Variants in ADAMTSL1 observed in about 807,000 individuals in gnomAD.
ADAMTSL1 encodes ADAMTS like 1, also known as ADAMTS-like protein 1.
ADAMTSL1 carries 126 observed loss-of-function variants against 201.8 expected under a neutral mutation model. The observed-to-expected ratio is 0.62, with a 90% CI of 0.54 to 0.72. The LOEUF (loss-of-function observed/expected upper bound fraction) is 0.72. ADAMTSL1 is among the 30% of genes least tolerant of loss of function. ADAMTSL1 has a pLI of 0.00. For synonymous variants in ADAMTSL1, 1,121 were observed against 903.4 expected (o/e 1.24, Z -4.32); for missense variants, 2,679 against 2,277.8 (o/e 1.18, Z -3.59).
At chr9:18,876,902 T>A (rs1828197012) in intron 23 of ADAMTSL1, among the ~76,000 whole-genome samples, 1 of 152,244 alleles carries the variant, frequency 6.6e-6, no homozygotes, top group Non-Finnish European at 1.5e-5. Context: ...TTAGGTTTGA[T>A]CTTTTAACAT....
At chr9:18,651,828 T>C (rs1828282865) in intron 7 of ADAMTSL1, among the ~76,000 whole-genome samples, 1 of 152,094 alleles carries the variant, frequency 6.6e-6, no homozygotes, top group Non-Finnish European at 1.5e-5. Flanking sequence ...AAAACTTGCT[T>C]TTATTATAAG....
At chr9:18,764,775 C>A (rs1820266977) in intron 16 of ADAMTSL1, among the ~76,000 whole-genome samples, 1 of 152,180 alleles carries the variant, frequency 6.6e-6, no homozygotes, top group Non-Finnish European at 1.5e-5. Context: ...TATCTTCTTA[C>A]CATTGATAAT....
intron 2 of ADAMTSL1, among the ~76,000 whole-genome samples, chr9:18,301,038 C>G (rs900924042): frequency 6.6e-6 from 1 of 152,124 alleles, no homozygotes; most frequent in African/African-American, 2.4e-5. Context: ...TGAGTCACTA[C>G]TTAACTCCAC....
chr9:17,955,556 A>G (rs1290726896), intron 1 of ADAMTSL1, among the ~76,000 whole-genome samples: 2 of 152,256 alleles, frequency 1.3e-5, no homozygotes, highest in Non-Finnish European at 1.5e-5. Context: ...TAAACAATTC[A>G]TATGTTTTAA....
intron 2 of ADAMTSL1, among the ~76,000 whole-genome samples, chr9:18,453,098 G>C (rs1032453975): frequency 1.3e-5 from 2 of 152,186 alleles, no homozygotes; most frequent in African/African-American, 4.8e-5. Flanking sequence ...CACAGCTCTT[G>C]CTCTCTGTGC....
At chr9:18,827,615 G>C (rs1271308613) in intron 22 of ADAMTSL1, among the ~76,000 whole-genome samples, 1 of 152,192 alleles carries the variant, frequency 6.6e-6, no homozygotes, top group African/African-American at 2.4e-5. Flanking sequence ...CCCACACTGA[G>C]TTACGGTGCT....
At chr9:18,866,748 G>A (rs1400165416) in intron 23 of ADAMTSL1, among the ~76,000 whole-genome samples, 1 of 152,174 alleles carries the variant, frequency 6.6e-6, no homozygotes, top group African/African-American at 2.4e-5. Flanking sequence ...CCCAGCAACA[G>A]TAGCTTAAAG....
chr9:18,317,663 C>A (rs1834458283), intron 2 of ADAMTSL1, among the ~76,000 whole-genome samples: 1 of 152,218 alleles, frequency 6.6e-6, no homozygotes, highest in Admixed American at 6.5e-5. Context: ...CCCATCTTCA[C>A]CAGACTATTT....
At chr9:18,016,457 T>C (rs898940718) in intron 1 of ADAMTSL1, among the ~76,000 whole-genome samples, 10 of 152,090 alleles carry the variant, frequency 6.6e-5, no homozygotes, top group Non-Finnish European at 1.3e-4. Flanking sequence ...TACTTGAAAC[T>C]CACAGAAGCA....
chr9:17,911,418 G>T lies in ADAMTSL1; in HGVS notation c.87+4496G>T, dbSNP rs918990353. Among the ~76,000 whole-genome samples the T allele has an allele frequency of 1.9e-4, 13 of 68,640 alleles. 1 individual carries two copies. The highest frequency in any genetic ancestry group is 3.8e-4 in the African/African-American group (13 of 34,050). The allele number at this position is 68,640 out of a possible 152,430, so 45.0% of individuals were successfully genotyped here. A position where few individuals can be genotyped will look rare whatever the true frequency, so the allele number is the denominator to read the frequency against. On this transcript the variant is annotated intron_variant, in intron 1 of 29. Transcript: ENST00000680146. ...CTGTAGCAATCCACTGTAAAACGAA[G>T]AAGGCTGGTCAAGAGGATGTGTTAC... is the stretch of plus-strand genomic sequence containing the variant.
In ADAMTSL1 at chr9:18,122,601, T is replaced by C. The variant is rs141371744; in HGVS notation, c.88-41261T>C. Among the ~76,000 whole-genome samples, 940 of 152,250 alleles carry C rather than the reference T, an allele frequency of 6.2e-3. 5 individuals are homozygous for C. The highest frequency in any genetic ancestry group is 0.02 in the African/African-American group (848 of 41,568). Reference sequence around the variant, plus strand: ...TTTTCTGTGGTTTTTTTGAAGAACATTGGAAAATAAGCCTACAAAATTCTG... The same window carrying C: ...TTTTCTGTGGTTTTTTTGAAGAACACTGGAAAATAAGCCTACAAAATTCTG... On this transcript the variant is annotated intron_variant, in intron 1 of 29. Transcript: ENST00000680146.
intron 21 of ADAMTSL1, among the ~76,000 whole-genome samples, chr9:18,820,119 G>A (rs898622025): frequency 1.3e-5 from 2 of 152,190 alleles, no homozygotes; most frequent in Non-Finnish European, 2.9e-5. Flanking sequence ...CCAGATTCTC[G>A]TAATAGACAG....
At chr9:18,262,482 C>T (rs559127057) in intron 2 of ADAMTSL1, among the ~76,000 whole-genome samples, 2 of 152,216 alleles carry the variant, frequency 1.3e-5, no homozygotes, top group South Asian at 2.1e-4. Flanking sequence ...GAAAGCATAT[C>T]GTATAAGAGA....
chr9:18,775,678 T>C (rs969474336), intron 17 of ADAMTSL1, 65 bp from the exon 18 acceptor site: 46 of 1,558,354 alleles, frequency 3.0e-5, no homozygotes, highest in South Asian at 1.5e-4. Context: ...AGTTTGACAG[T>C]CTATTAAAAA....
intron 2 of ADAMTSL1, among the ~76,000 whole-genome samples, chr9:18,403,841 T>C (rs183173923): frequency 6.3e-4 from 96 of 152,302 alleles, no homozygotes; most frequent in African/African-American, 2.2e-3. Flanking sequence ...CCCAAAAATA[T>C]TTTAAATCAA....
At chr9:18,061,027 G>C (rs562407358) in intron 1 of ADAMTSL1, among the ~76,000 whole-genome samples, 1 of 152,244 alleles carries the variant, frequency 6.6e-6, no homozygotes, top group South Asian at 2.1e-4. Flanking sequence ...CTGCGACTCA[G>C]AGTTTTTTGC....
intron 9 of ADAMTSL1, among the ~76,000 whole-genome samples, chr9:18,671,865 A>G (rs144699012): frequency 0.031 from 4,655 of 152,134 alleles, 104 homozygotes; most frequent in Non-Finnish European, 0.049. Flanking sequence ...GTGAAACCCC[A>G]TCTCTACTAA....
At chr9:18,282,766 G>T (rs930217486) in intron 2 of ADAMTSL1, among the ~76,000 whole-genome samples, 6 of 152,266 alleles carry the variant, frequency 3.9e-5, no homozygotes, top group Admixed American at 6.5e-5. Flanking sequence ...CTGTGGTAGC[G>T]CAGGCCTGTA....
chr9:18,850,603 C>T (rs1322059947), intron 23 of ADAMTSL1, among the ~76,000 whole-genome samples: 1 of 152,224 alleles, frequency 6.6e-6, no homozygotes, highest in African/African-American at 2.4e-5. Flanking sequence ...GTTTCCAAAT[C>T]CTCAGCATCT....
Sources: gnomAD v4.1 joint callset for allele counts (sites outside exome capture counted in the v4.1 genomes callset) on GRCh38, gnomAD v4.1.1 for gene constraint, MANE v1.5 for transcripts, NCBI Gene and HGNC (gene_info 2026-07-23, HGNC 2026-07-21) for gene names.